IGFL2: variants seen among roughly 807,000 people sequenced by gnomAD.
IGFL2 encodes IGF like family member 2.
A neutral mutation model predicts 13.9 loss-of-function variants in IGFL2; 7 were observed. That is an observed-to-expected ratio of 0.51 (90% CI 0.29 to 0.95). The LOEUF is 0.95. Among genes scored for constraint, IGFL2 ranks in the 40% least tolerant of loss-of-function variants. The pLI, the probability that IGFL2 is intolerant of heterozygous loss-of-function variation, is 0.08. For missense variants in IGFL2, 138 were observed against 147.8 expected, an observed-to-expected ratio of 0.93 and a Z score of 0.34; for synonymous variants, 55 against 55.8, an observed-to-expected ratio of 0.99 and a Z score of 0.07.
At chr19:46,201,270 T>A in the IGFL2 span, among the ~76,000 whole-genome samples, 1 of 152,248 alleles carries the variant, frequency 6.6e-6, no homozygotes, top group African/African-American at 2.4e-5. Flanking sequence ...CATCCCCTGC[T>A]TAGGCCTGGG....
chr19:46,158,499 A>G (rs1987541), intron 1 of IGFL2, among the ~76,000 whole-genome samples: 78,612 of 141,154 alleles, frequency 0.56, 21,296 homozygotes, highest in Middle Eastern at 0.67. Context: ...GTGAGCCACC[A>G]CGCCCGGCCT....
At chr19:46,174,444 G>T in the IGFL2 span, among the ~76,000 whole-genome samples, 2 of 152,276 alleles carry the variant, frequency 1.3e-5, no homozygotes, top group African/African-American at 4.8e-5. Context: ...ACTACATAGA[G>T]GGAGGAGGAA....
the IGFL2 span, among the ~76,000 whole-genome samples, chr19:46,205,850 G>C: frequency 6.7e-4 from 102 of 152,216 alleles, no homozygotes; most frequent in East Asian, 0.019. Context: ...TTTGAGCATG[G>C]GGCTATGGTG....
the IGFL2 span, chr19:46,137,238 A>G: frequency 1.4e-6 from 2 of 1,453,380 alleles, no homozygotes; most frequent in Middle Eastern, 3.5e-4. Flanking sequence ...GTAATTGTGA[A>G]CTGATTTGGA....
At chr19:46,112,722 T>A in the IGFL2 span, among the ~76,000 whole-genome samples, 1 of 152,358 alleles carries the variant, frequency 6.6e-6, no homozygotes, top group East Asian at 1.9e-4. Context: ...AGTAGACAGC[T>A]TGTCGCTGTG....
chr19:46,130,187 T>C, the IGFL2 span, among the ~76,000 whole-genome samples: 2 of 152,194 alleles, frequency 1.3e-5, no homozygotes, highest in African/African-American at 4.8e-5. Flanking sequence ...TCCTGCTTTT[T>C]TCTGTTTTCC....
chr19:46,122,667 C>G, the IGFL2 span, among the ~76,000 whole-genome samples: 1 of 151,064 alleles, frequency 6.6e-6, no homozygotes, highest in African/African-American at 2.5e-5. Flanking sequence ...AAGTTACATT[C>G]GGTTACTGTC....
At chr19:46,191,019 C>T in the IGFL2 span, among the ~76,000 whole-genome samples, 1 of 152,034 alleles carries the variant, frequency 6.6e-6, no homozygotes, top group Non-Finnish European at 1.5e-5. Flanking sequence ...ACAATGCCAG[C>T]ATTTCTCAAT....
the IGFL2 span, among the ~76,000 whole-genome samples, chr19:46,176,748 G>A: frequency 5.3e-5 from 8 of 152,176 alleles, no homozygotes; most frequent in African/African-American, 1.9e-4. Context: ...CCTGCAGCAG[G>A]CTGCTGTTGA....
intron 1 of IGFL2, among the ~76,000 whole-genome samples, chr19:46,152,266 G>GTTTTT (rs55934631): frequency 5.2e-5 from 7 of 134,018 alleles, no homozygotes; most frequent in Admixed American, 1.5e-4. Flanking sequence ...GCTTCCTTAG[G>GTTTTT]TTTTTTTTTT....
chr19:46,120,278 T>C, the IGFL2 span: 2 of 1,608,804 alleles, frequency 1.2e-6, no homozygotes, highest in Admixed American at 1.7e-5. Context: ...GATGTCCAGC[T>C]GCTTCGTCTC....
At chr19:46,167,019 C>T in the IGFL2 span, among the ~76,000 whole-genome samples, 119 of 152,284 alleles carry the variant, frequency 7.8e-4, 2 homozygotes, top group Middle Eastern at 0.017. Context: ...AAAGTAAAGA[C>T]AGGCATAGGA....
At chr19:46,091,003 G>T in the IGFL2 span, among the ~76,000 whole-genome samples, 8 of 152,118 alleles carry the variant, frequency 5.3e-5, no homozygotes, top group East Asian at 9.6e-4. Context: ...TTGAGTGAAG[G>T]GTAATTTGGG....
At chr19:46,121,577 G>GAGAGGAA in the IGFL2 span, among the ~76,000 whole-genome samples, 18 of 150,550 alleles carry the variant, frequency 1.2e-4, 1 homozygote, top group Non-Finnish European at 2.5e-4. Context: ...AAGACAAGAA[G>GAGAGGAA]AGAGGAAAGA....
At chr19:46,092,588 C>T in the IGFL2 span, among the ~76,000 whole-genome samples, 5 of 151,996 alleles carry the variant, frequency 3.3e-5, no homozygotes, top group African/African-American at 1.2e-4. Flanking sequence ...GCTGAGATTG[C>T]ACCACTGTAC....
the IGFL2 span, among the ~76,000 whole-genome samples, chr19:46,191,179 A>G: frequency 6.6e-6 from 1 of 152,218 alleles, no homozygotes; most frequent in African/African-American, 2.4e-5. Flanking sequence ...AGGAAAAATC[A>G]TACTTCTAGT....
chr19:46,210,669 C>T, the IGFL2 span, among the ~76,000 whole-genome samples: 2 of 152,106 alleles, frequency 1.3e-5, no homozygotes, highest in Non-Finnish European at 2.9e-5. Context: ...GTTTTTCTTC[C>T]TGCTTTATAT....
the IGFL2 span, among the ~76,000 whole-genome samples, chr19:46,184,066 A>G: frequency 3.3e-5 from 5 of 152,072 alleles, no homozygotes. Context: ...GATGATGGAG[A>G]TCACGTTTTC....
At chr19:46,150,984 A>G (rs750972975) in intron 1 of IGFL2, among the ~76,000 whole-genome samples, 4 of 152,156 alleles carry the variant, frequency 2.6e-5, no homozygotes, top group Non-Finnish European at 5.9e-5. Flanking sequence ...ACTATTATTT[A>G]TTATAGTCAC....
Sources: gnomAD v4.1 joint callset for allele counts (sites outside exome capture counted in the v4.1 genomes callset) on GRCh38, gnomAD v4.1.1 for gene constraint, MANE v1.5 for transcripts, NCBI Gene and HGNC (gene_info 2026-07-23, HGNC 2026-07-21) for gene names.